The following ABRAXAS2 variants were observed in gnomAD, a reference collection of about 807,000 sequenced individuals.
ABRAXAS2 encodes BRISC complex subunit Abraxas 2.
Under a neutral mutation model 49.0 loss-of-function variants are expected in ABRAXAS2, and 23 were observed. The observed-to-expected ratio is 0.47, with a 90% CI of 0.34 to 0.66. The LOEUF is 0.66. Ranked by LOEUF, ABRAXAS2 falls within the 30% of genes least tolerant of loss-of-function variation. ABRAXAS2 has a pLI of 0.01. For synonymous variants in ABRAXAS2, 168 were observed against 180.2 expected (o/e 0.93, Z 0.54); for missense variants, 443 against 511.9 (o/e 0.87, Z 1.30).
chr10:124,835,316 T>G lies in ABRAXAS2; in HGVS notation c.*345T>G, dbSNP rs181338307. 85 of 170,706 alleles carry G rather than the reference T, an allele frequency of 5.0e-4. No individual in the cohort carries two copies. Among genetic ancestry groups the G allele is most frequent in the African/African-American group, 1.9e-3 (82 of 42,294 alleles). 10.6% of individuals were successfully genotyped at this position (170,706 alleles called of 1,614,324 possible). A position where few individuals can be genotyped will look rare whatever the true frequency, so the allele number is the denominator to read the frequency against. ...ACTAAGCACAATTAGTCTATAAATG[T>G]TCTATAAATCAAAAACTTACCTCTT... is the stretch of plus-strand genomic sequence containing the variant. On this transcript the variant is annotated 3_prime_UTR_variant, in exon 9 of 9. Coordinates refer to ENST00000298492, the MANE Select transcript of ABRAXAS2 (RefSeq NM_032182.4).
intron 2 of ABRAXAS2, among the ~76,000 whole-genome samples, chr10:124,811,219 T>A (rs145143786): frequency 0.055 from 8,266 of 149,846 alleles, 727 homozygotes; most frequent in African/African-American, 0.19. Context: ...CTCAAAAAAA[T>A]AAATAAATAA....
chr10:124,820,503 A>G (rs1178064373), intron 4 of ABRAXAS2, among the ~76,000 whole-genome samples: 1 of 151,844 alleles, frequency 6.6e-6, no homozygotes, highest in Non-Finnish European at 1.5e-5. Flanking sequence ...TTTTTTTGAG[A>G]TGGAGTCTGG....
chr10:124,822,703 A>C (rs1950869442), intron 4 of ABRAXAS2, among the ~76,000 whole-genome samples: 1 of 151,416 alleles, frequency 6.6e-6, no homozygotes, highest in Non-Finnish European at 1.5e-5. Flanking sequence ...GAGGCAGGAG[A>C]ATGGTTTGAA....
intron 2 of ABRAXAS2, among the ~76,000 whole-genome samples, chr10:124,812,812 A>G (rs1950798968): frequency 6.6e-6 from 1 of 152,234 alleles, no homozygotes; most frequent in African/African-American, 2.4e-5. Context: ...TTTAAATACC[A>G]TAAATTGACC....
intron 3 of ABRAXAS2, 106 bp downstream of exon 3, chr10:124,816,718 CCCAAAT>C: frequency 1.3e-6 from 1 of 770,620 alleles, no homozygotes; most frequent in Non-Finnish European, 2.2e-6. Flanking sequence ...CATGAGGGTA[CCCAAAT>C]CCATGTATTT....
At position 124,824,727 on chromosome 10, in the gene ABRAXAS2, G is replaced by T. The variant is rs114890132; in HGVS notation, c.268-1868G>T. Among the ~76,000 whole-genome samples, 561 of 152,298 alleles carry T rather than the reference G, an allele frequency of 3.7e-3. 9 individuals are homozygous for T. The highest frequency in any genetic ancestry group is 0.013 in the African/African-American group (525 of 41,568). ...GTCTTTGCAGGAAGGCAGGGGAAGT[G>T]CAGGGCATGCCTGAGGTCTGCTGAG... On this transcript the variant is annotated intron_variant, in intron 4 of 8. Transcript: ENST00000298492.
chr10:124,808,172 G>A (rs748963131), intron 2 of ABRAXAS2, among the ~76,000 whole-genome samples: 2 of 150,676 alleles, frequency 1.3e-5, no homozygotes, highest in South Asian at 4.1e-4. Flanking sequence ...TTATTTATGC[G>A]GCAAACTTTT....
intron 8 of ABRAXAS2, 119 bp from the exon 9 acceptor site, chr10:124,834,383 C>T: frequency 1.4e-6 from 1 of 722,482 alleles, no homozygotes; most frequent in South Asian, 1.9e-5. Context: ...TTAATAGTGA[C>T]AGTCAGCTTC....
At chr10:124,808,040 G>A (rs1024013592) in intron 2 of ABRAXAS2, among the ~76,000 whole-genome samples, 6 of 152,166 alleles carry the variant, frequency 3.9e-5, no homozygotes, top group African/African-American at 1.4e-4. Context: ...CTATAGACAC[G>A]CCCACTCTCT....
rs1213787027 is a variant in ABRAXAS2 at position 124,806,814 on chromosome 10, TC to T, written c.73-16del. 2.6e-6 allele frequency: 4 copies of T among 1,519,986 alleles called. No homozygotes were observed. The highest frequency in any genetic ancestry group is 3.6e-6 in the Non-Finnish European group (4 of 1,107,678). The allele number at this position is 1,519,986 out of a possible 1,614,324, so 94.2% of individuals were successfully genotyped here. On this transcript the variant is annotated splice_polypyrimidine_tract_variant and intron_variant, in intron 1 of 8. Transcript: ENST00000298492. ...TTTTATTTTTAGTCTGCAATTATTT[TC>T]TTTAATTACTTTTAGGAAGGATTTT...
At chr10:124,826,565 T>A (rs1056740864) in intron 4 of ABRAXAS2, 30 bp from the exon 5 acceptor site, 10 of 1,594,672 alleles carry the variant, frequency 6.3e-6, no homozygotes, top group Non-Finnish European at 8.6e-6. Context: ...TTTGTAAGAT[T>A]TCATGCAACT....
intron 8 of ABRAXAS2, among the ~76,000 whole-genome samples, chr10:124,831,713 A>G (rs1458636406): frequency 1.3e-5 from 2 of 152,152 alleles, no homozygotes; most frequent in Non-Finnish European, 2.9e-5. Context: ...GGAAATTAGA[A>G]TAAATCCCAA....
At chr10:124,819,334 A>C in intron 3 of ABRAXAS2, 50 bp from the exon 4 acceptor site, 1 of 1,490,738 alleles carries the variant, frequency 6.7e-7, no homozygotes, top group Non-Finnish European at 9.4e-7. Flanking sequence ...AAGCACGTCT[A>C]TGTCACAATA....
Position 124,836,455 on chromosome 10 carries a change from CTT to C in ABRAXAS2, c.*1486_*1487del, listed in dbSNP as rs1950969101. ...ATTTGATTTAAAACGCTGCAGACCACTTTATCTGCAAATGTGTTCCAGTTGTT... is the reference window on the plus strand; with the variant it reads ...ATTTGATTTAAAACGCTGCAGACCACTATCTGCAAATGTGTTCCAGTTGTT... On this transcript the variant is annotated 3_prime_UTR_variant, in exon 9 of 9. Coordinates refer to ENST00000298492, the MANE Select transcript of ABRAXAS2 (RefSeq NM_032182.4). 6.6e-6 allele frequency: 1 copy of C among 151,608 alleles called. No homozygotes were observed. Among genetic ancestry groups the C allele is most frequent in the Non-Finnish European group, 1.5e-5 (1 of 67,872 alleles). The allele number at this position is 151,608 out of a possible 1,614,324, so 9.4% of individuals were successfully genotyped here. A position where few individuals can be genotyped will look rare whatever the true frequency, so the allele number is the denominator to read the frequency against.
intron 7 of ABRAXAS2, among the ~76,000 whole-genome samples, chr10:124,830,699 T>C (rs1235224529): frequency 6.6e-6 from 1 of 152,240 alleles, no homozygotes; most frequent in African/African-American, 2.4e-5. Flanking sequence ...GAACTTGCAG[T>C]GGAAAATAGC....
intron 5 of ABRAXAS2, among the ~76,000 whole-genome samples, chr10:124,827,061 C>G (rs1452309432): frequency 6.7e-6 from 1 of 149,452 alleles, no homozygotes; most frequent in Non-Finnish European, 1.5e-5. Flanking sequence ...CCACTGCACT[C>G]CTGCCTGGCA....
intron 8 of ABRAXAS2, among the ~76,000 whole-genome samples, chr10:124,832,693 A>C (rs1950940770): frequency 6.6e-6 from 1 of 151,966 alleles, no homozygotes; most frequent in African/African-American, 2.4e-5. Flanking sequence ...AAAAATACAA[A>C]AATTAGCTGG....
At chr10:124,818,223 C>T (rs1195471345) in intron 3 of ABRAXAS2, among the ~76,000 whole-genome samples, 3 of 151,752 alleles carry the variant, frequency 2.0e-5, no homozygotes, top group Non-Finnish European at 4.4e-5. Context: ...AGTAAAACCC[C>T]GTCTCTACTA....
intron 4 of ABRAXAS2, among the ~76,000 whole-genome samples, chr10:124,823,687 G>A (rs117696137): frequency 9.8e-5 from 15 of 152,310 alleles, no homozygotes; most frequent in East Asian, 7.7e-4. Context: ...AAAATTGGCC[G>A]AGAAACATAA....
Sources: gnomAD v4.1 joint callset for allele counts (sites outside exome capture counted in the v4.1 genomes callset) on GRCh38, gnomAD v4.1.1 for gene constraint, MANE v1.5 for transcripts, NCBI Gene and HGNC (gene_info 2026-07-23, HGNC 2026-07-21) for gene names.